Variants in DOK5 observed in about 807,000 individuals in gnomAD.
DOK5 encodes the protein docking protein 5.
A neutral mutation model predicts 43.3 loss-of-function variants in DOK5; 27 were observed. The ratio of observed to expected loss-of-function variants is 0.62; its 90% CI spans 0.46 to 0.86. DOK5 has a LOEUF of 0.86. Among genes scored for constraint, DOK5 ranks in the 40% least tolerant of loss-of-function variants. The pLI is 0.00. For missense variants in DOK5, 373 were observed against 392.9 expected (o/e 0.95, Z 0.43); for synonymous variants, 146 against 140.1 (o/e 1.04, Z -0.30).
chr20:54,515,701 G>T (rs1340070176), intron 1 of DOK5, among the ~76,000 whole-genome samples: 1 of 152,144 alleles, frequency 6.6e-6, no homozygotes, highest in Non-Finnish European at 1.5e-5. Context: ...GAGTTAATTT[G>T]TTTACCAAGA....
intron 6 of DOK5, among the ~76,000 whole-genome samples, chr20:54,619,665 T>G (rs543749004): frequency 5.8e-4 from 88 of 152,358 alleles, no homozygotes; most frequent in Non-Finnish European, 8.7e-4. Flanking sequence ...AACTTTTTTT[T>G]GTCACTTCTT....
At chr20:54,485,084 C>G (rs1303233779) in intron 1 of DOK5, among the ~76,000 whole-genome samples, 1 of 152,016 alleles carries the variant, frequency 6.6e-6, no homozygotes, top group Non-Finnish European at 1.5e-5. Flanking sequence ...GTAATCCCAG[C>G]ACTTTGGGAG....
chr20:54,489,070 C>A (rs1399640193), intron 1 of DOK5, among the ~76,000 whole-genome samples: 2 of 152,088 alleles, frequency 1.3e-5, no homozygotes, highest in African/African-American at 4.8e-5. Context: ...GCCTATATCC[C>A]ATCTCATTTT....
intron 1 of DOK5, among the ~76,000 whole-genome samples, chr20:54,531,120 C>A (rs994896801): frequency 6.6e-6 from 1 of 152,164 alleles, no homozygotes; most frequent in Non-Finnish European, 1.5e-5. Context: ...CACAACTTAC[C>A]AAGCTTGGAT....
At chr20:54,488,021 T>TTAAGAAATCATACTTCTTTG (rs1192267673) in intron 1 of DOK5, among the ~76,000 whole-genome samples, 2 of 152,228 alleles carry the variant, frequency 1.3e-5, no homozygotes, top group African/African-American at 4.8e-5. Flanking sequence ...TTCCAAACTT[T>TTAAGAAATCATACTTCTTTG]TAAGAAATCA....
intron 6 of DOK5, among the ~76,000 whole-genome samples, chr20:54,618,350 T>C (rs1224896783): frequency 5.4e-5 from 3 of 55,432 alleles, no homozygotes; most frequent in East Asian, 2.0e-4. Flanking sequence ...TTTTTTTCCC[T>C]TTTTTTTTTT....
intron 6 of DOK5, among the ~76,000 whole-genome samples, chr20:54,621,964 G>A (rs1280440833): frequency 6.6e-6 from 1 of 152,148 alleles, no homozygotes; most frequent in Non-Finnish European, 1.5e-5. Context: ...GGAGGCTGAG[G>A]CAGGATGATC....
At chr20:54,489,082 C>A (rs1358784988) in intron 1 of DOK5, among the ~76,000 whole-genome samples, 2 of 152,158 alleles carry the variant, frequency 1.3e-5, no homozygotes, top group African/African-American at 4.8e-5. Context: ...TCTCATTTTG[C>A]AGTAGATTCT....
At chr20:54,545,417 C>T (rs1439062839) in intron 1 of DOK5, among the ~76,000 whole-genome samples, 1 of 152,106 alleles carries the variant, frequency 6.6e-6, no homozygotes, top group Non-Finnish European at 1.5e-5. Flanking sequence ...TAGTGTCAGC[C>T]AAATTGGAGG....
intron 1 of DOK5, among the ~76,000 whole-genome samples, chr20:54,494,439 T>G (rs1430818245): frequency 6.6e-6 from 1 of 152,198 alleles, no homozygotes; most frequent in Non-Finnish European, 1.5e-5. Context: ...TTTTAATAGT[T>G]TGCTTCCCAG....
rs1555839806 is a variant in DOK5, at chr20:54,644,718, A to AAAAAAAAAAAAAAC, written c.856+1146_856+1147insAAAAAAACAAAAAA. ...GAGACTCCGTCTCAAAAAAAAAAAA[A>AAAAAAAAAAAAAAC]AAAAAACAAAATTTAGCTGGGCGTG... On this transcript the variant is annotated intron_variant, in intron 7 of 7. Coordinates refer to ENST00000262593, the MANE Select transcript of DOK5 (RefSeq NM_018431.5). Among the ~76,000 whole-genome samples the AAAAAAAAAAAAAAC allele has an allele frequency of 2.7e-4, 38 of 142,562 alleles. 1 individual carries two copies. Among genetic ancestry groups the AAAAAAAAAAAAAAC allele is most frequent in the African/African-American group, 1.1e-3 (38 of 34,140 alleles). The allele number at this position is 142,562 out of a possible 152,430, so 93.5% of individuals were successfully genotyped here.
intron 1 of DOK5, among the ~76,000 whole-genome samples, chr20:54,551,022 A>G (rs886809646): frequency 6.6e-6 from 1 of 152,190 alleles, no homozygotes; most frequent in Non-Finnish European, 1.5e-5. Flanking sequence ...CCAACTATGT[A>G]TGAGTCATCC....
intron 5 of DOK5, among the ~76,000 whole-genome samples, chr20:54,603,940 AT>A (rs35690531): frequency 0.066 from 5,040 of 75,988 alleles, 175 homozygotes; most frequent in African/African-American, 0.25. Flanking sequence ...TTCAAACTGT[AT>A]TTTTTTTTTT....
chr20:54,483,729 G>A, intron 1 of DOK5, among the ~76,000 whole-genome samples: 1 of 152,172 alleles, frequency 6.6e-6, no homozygotes, highest in Non-Finnish European at 1.5e-5. Flanking sequence ...AAATAAAATT[G>A]TGAGTTTAGA....
chr20:54,597,644 T>C (rs991277523), intron 5 of DOK5, among the ~76,000 whole-genome samples: 3 of 152,232 alleles, frequency 2.0e-5, no homozygotes, highest in African/African-American at 7.2e-5. Context: ...TCAGATCTTT[T>C]ACTTCCAAAC....
intron 5 of DOK5, among the ~76,000 whole-genome samples, chr20:54,606,096 G>A (rs1237186833): frequency 1.3e-5 from 2 of 152,168 alleles, no homozygotes; most frequent in Non-Finnish European, 2.9e-5. Context: ...AACATTTTCT[G>A]AGCTATTGGT....
At chr20:54,577,422 C>A (rs1194037502) in intron 2 of DOK5, among the ~76,000 whole-genome samples, 2 of 152,084 alleles carry the variant, frequency 1.3e-5, no homozygotes, top group African/African-American at 4.8e-5. Flanking sequence ...GTTAGATTTC[C>A]TTTGAAAATT....
At chr20:54,544,049 G>A (rs372669188) in intron 1 of DOK5, among the ~76,000 whole-genome samples, 37 of 152,284 alleles carry the variant, frequency 2.4e-4, no homozygotes, top group African/African-American at 8.4e-4. Context: ...CCAGGAAAGG[G>A]TTGGCTTAGC....
intron 2 of DOK5, among the ~76,000 whole-genome samples, chr20:54,573,861 C>G (rs1330246665): frequency 1.3e-5 from 2 of 152,090 alleles, no homozygotes; most frequent in Non-Finnish European, 2.9e-5. Context: ...AGCAGAACTT[C>G]AGTGTGCAGC....
Sources: gnomAD v4.1 joint callset for allele counts (sites outside exome capture counted in the v4.1 genomes callset) on GRCh38, gnomAD v4.1.1 for gene constraint, MANE v1.5 for transcripts, NCBI Gene and HGNC (gene_info 2026-07-23, HGNC 2026-07-21) for gene names.